The following TTC28 variants were observed in gnomAD, a reference collection of about 807,000 sequenced individuals.
TTC28 encodes tetratricopeptide repeat domain 28.
In TTC28, 61 loss-of-function variants were observed where a neutral mutation model predicts 198.0. The ratio of observed to expected loss-of-function variants is 0.31; its 90% confidence interval spans 0.25 to 0.38. The LOEUF is 0.38. Ranked by LOEUF, TTC28 falls within the 10% of genes least tolerant of loss-of-function variation. TTC28 has a pLI of 1.00. For missense variants in TTC28, 2,678 were observed against 3,164.0 expected (o/e 0.85, Z 3.69); for synonymous variants, 1,171 against 1,297.8 (o/e 0.90, Z 2.10).
At chr22:28,250,854 A>G (rs904484957) in intron 5 of TTC28, among the ~76,000 whole-genome samples, 4 of 152,218 alleles carry the variant, frequency 2.6e-5, no homozygotes, top group African/African-American at 9.6e-5. Context: ...GACTGGAAAC[A>G]GTGGCTGAGA....
chr22:28,569,338 T>C (rs545561608), intron 2 of TTC28, among the ~76,000 whole-genome samples: 1 of 151,954 alleles, frequency 6.6e-6, no homozygotes. Context: ...TCAAACAACA[T>C]GATACTGGTA....
intron 5 of TTC28, among the ~76,000 whole-genome samples, chr22:28,281,323 CT>C: frequency 6.6e-6 from 1 of 152,108 alleles, no homozygotes; most frequent in South Asian, 2.1e-4. Context: ...AGATTGGATA[CT>C]TTCCATTGAT....
At chr22:28,255,012 T>C (rs1231882836) in intron 5 of TTC28, among the ~76,000 whole-genome samples, 3 of 152,184 alleles carry the variant, frequency 2.0e-5, no homozygotes, top group South Asian at 2.1e-4. Context: ...TGAATTTATA[T>C]ACCACAAATT....
chr22:27,990,056 G>A (rs1476345670), intron 20 of TTC28, 49 bp from the exon 21 acceptor site: 16 of 1,530,828 alleles, frequency 1.0e-5, no homozygotes, highest in Non-Finnish European at 1.1e-5. Context: ...TTCCCCTCCA[G>A]CCCACCTCAA....
intron 5 of TTC28, among the ~76,000 whole-genome samples, chr22:28,167,970 A>C (rs1182305572): frequency 6.6e-6 from 1 of 152,246 alleles, no homozygotes; most frequent in Non-Finnish European, 1.5e-5. Context: ...AACTTCAGCA[A>C]AGTCTCAGAA....
intron 5 of TTC28, among the ~76,000 whole-genome samples, chr22:28,291,109 A>G (rs928999407): frequency 6.6e-6 from 1 of 152,180 alleles, no homozygotes; most frequent in Non-Finnish European, 1.5e-5. Flanking sequence ...TAAATTCAAT[A>G]TAATTCCAAT....
intron 2 of TTC28, among the ~76,000 whole-genome samples, chr22:28,371,944 C>G (rs1021361577): frequency 1.3e-5 from 2 of 151,376 alleles, no homozygotes; most frequent in African/African-American, 4.9e-5. Context: ...CTTAAATTAG[C>G]CAGACGTGGT....
chr22:28,353,260 T>C (rs1008226070), intron 2 of TTC28, among the ~76,000 whole-genome samples: 6 of 152,214 alleles, frequency 3.9e-5, no homozygotes, highest in Non-Finnish European at 7.3e-5. Flanking sequence ...ATTGTATTTT[T>C]GGACTACTCA....
rs951139346 is a variant in TTC28 at position 28,679,795 on chromosome 22, G to A, written c.-72C>T. The stretch of plus-strand genomic sequence containing the variant: ...AGCTAGGCGCGCGCGCCGGTTCCGC[G>A]CGCCATGTTCCCGCCGTGCTGCGCG... On this transcript the variant is annotated 5_prime_UTR_variant, in exon 1 of 23. Transcript: ENST00000397906. 6.2e-6 allele frequency: 5 copies of A among 808,980 alleles called. No homozygotes were observed. Among genetic ancestry groups the A allele is most frequent in the Non-Finnish European group, 7.9e-6 (5 of 630,546 alleles). 50.1% of individuals were successfully genotyped at this position (808,980 alleles called of 1,614,324 possible).
chr22:28,114,449 A>C (rs1044320189), intron 6 of TTC28, among the ~76,000 whole-genome samples: 3 of 152,242 alleles, frequency 2.0e-5, no homozygotes, highest in African/African-American at 7.2e-5. Flanking sequence ...GCATGAGAGC[A>C]AAGTGCTCTG....
intron 2 of TTC28, among the ~76,000 whole-genome samples, chr22:28,456,531 A>G (rs16986449): frequency 6.6e-6 from 1 of 152,134 alleles, no homozygotes; most frequent in African/African-American, 2.4e-5. Flanking sequence ...TTCCTCCCCC[A>G]AAAAAGGTTA....
intron 2 of TTC28, among the ~76,000 whole-genome samples, chr22:28,538,163 A>C (rs1197248112): frequency 6.6e-6 from 1 of 152,140 alleles, no homozygotes; most frequent in Non-Finnish European, 1.5e-5. Flanking sequence ...CAGCTCACTG[A>C]AGCCTCAACC....
rs147314915 is a variant in TTC28 at position 28,119,712 on chromosome 22, C to T, written c.1442-11309G>A. 9.7e-3 allele frequency among the ~76,000 whole-genome samples: 1,483 copies of T among 152,296 alleles called. 13 individuals are homozygous for T. The highest frequency in any genetic ancestry group is 0.016 in the Non-Finnish European group (1,078 of 68,016). ...CTACACAATGAAAAGACATCACACC[C>T]AAAACGACAATAGCACCACATTGAG... On this transcript the variant is annotated intron_variant, in intron 6 of 22. Coordinates refer to ENST00000397906, the MANE Select transcript of TTC28 (RefSeq NM_001145418.2).
intron 6 of TTC28, among the ~76,000 whole-genome samples, chr22:28,162,722 G>A (rs186475717): frequency 8.3e-4 from 127 of 152,330 alleles, no homozygotes; most frequent in Middle Eastern, 3.4e-3. Flanking sequence ...GCCGAGGTGG[G>A]AGGATCGCTT....
At chr22:28,095,811 G>A (rs1329991935) in intron 11 of TTC28, among the ~76,000 whole-genome samples, 1 of 152,186 alleles carries the variant, frequency 6.6e-6, no homozygotes, top group East Asian at 1.9e-4. Context: ...ACTTTGCCAT[G>A]ACAAAGGGTC....
At chr22:28,197,824 G>A (rs1443554102) in intron 5 of TTC28, among the ~76,000 whole-genome samples, 3 of 151,972 alleles carry the variant, frequency 2.0e-5, no homozygotes, top group Admixed American at 1.3e-4. Flanking sequence ...AGGCCAGTCT[G>A]TGCAACACAG....
At position 28,355,729 on chromosome 22, in the gene TTC28, T is replaced by C. The variant is rs548808511; in HGVS notation, c.382-49086A>G. On this transcript the variant is annotated intron_variant, in intron 2 of 22. Coordinates refer to ENST00000397906, the MANE Select transcript of TTC28 (RefSeq NM_001145418.2). ...CTGTCCAGATCCCACAAAGAGCCAA[T>C]GTGACAGCTGCCCCCAGCATGTTGC... Among the ~76,000 whole-genome samples the C allele has an allele frequency of 7.9e-5, 12 of 152,314 alleles. No individual in the cohort carries two copies. The South Asian group carries it at 1.4e-3, about 18-fold the overall frequency.
chr22:28,409,802 G>A (rs752147478), intron 2 of TTC28, among the ~76,000 whole-genome samples: 2 of 151,314 alleles, frequency 1.3e-5, no homozygotes, highest in Non-Finnish European at 2.9e-5. Flanking sequence ...GACTACAGGC[G>A]CACAGCACCA....
intron 2 of TTC28, among the ~76,000 whole-genome samples, chr22:28,336,844 T>C (rs2045730259): frequency 6.6e-6 from 1 of 152,198 alleles, no homozygotes; most frequent in Non-Finnish European, 1.5e-5. Context: ...TGACCTTCAG[T>C]TCTGCTCTGA....
Sources: allele counts gnomAD v4.1 joint callset (sites outside exome capture counted in the v4.1 genomes callset), GRCh38; gene constraint gnomAD v4.1.1; transcripts MANE v1.5; gene names NCBI Gene and HGNC (gene_info 2026-07-23, HGNC 2026-07-21).